PTPRN2: variants seen among roughly 807,000 people sequenced by gnomAD.
PTPRN2 encodes receptor-type tyrosine-protein phosphatase N2.
Under a neutral mutation model 118.8 loss-of-function variants are expected in PTPRN2, and 74 were observed. The ratio of observed to expected loss-of-function variants is 0.62; its 90% CI spans 0.52 to 0.76. The LOEUF (loss-of-function observed/expected upper bound fraction) is 0.76, where lower values mean the gene tolerates loss of function less well. Among genes scored for constraint, PTPRN2 ranks in the 30% least tolerant of loss-of-function variants. The probability of loss-of-function intolerance (pLI) is 0.00; values close to 1 mark genes in which losing one functional copy is unlikely to be tolerated. For missense variants in PTPRN2, 1,481 were observed against 1,394.4 expected, an observed-to-expected ratio of 1.06 and a Z score of -0.99; for synonymous variants, 641 against 608.0, an observed-to-expected ratio of 1.05 and a Z score of -0.80.
At chr7:158,147,188 C>T (rs35108610) in intron 6 of PTPRN2, among the ~76,000 whole-genome samples, 54 of 17,410 alleles carry the variant, frequency 3.1e-3, no homozygotes, top group Admixed American at 7.6e-3. Context: ...CTCAATGACA[C>T]CCCATCTCAC....
At chr7:157,601,793 A>AGGCTTGTGAATCAC (rs1432598950) in intron 16 of PTPRN2, among the ~76,000 whole-genome samples, 2 of 152,240 alleles carry the variant, frequency 1.3e-5, no homozygotes, top group African/African-American at 2.4e-5. Context: ...CTCGTCTTTT[A>AGGCTTGTGAATCAC]GGCTTGTGAA....
chr7:158,422,806 G>A (rs1306434923), intron 2 of PTPRN2, among the ~76,000 whole-genome samples: 1 of 152,232 alleles, frequency 6.6e-6, no homozygotes, highest in Non-Finnish European at 1.5e-5. Flanking sequence ...GGCTTCTGGG[G>A]CCACCATTCG....
At chr7:158,332,106 C>T (rs1352825482) in intron 2 of PTPRN2, among the ~76,000 whole-genome samples, 2 of 147,164 alleles carry the variant, frequency 1.4e-5, no homozygotes, top group Non-Finnish European at 3.0e-5. Context: ...GAGCTGAGGC[C>T]CACAGAGGTC....
chr7:157,873,687 G>T (rs370993914), intron 12 of PTPRN2, among the ~76,000 whole-genome samples: 4 of 150,876 alleles, frequency 2.7e-5, no homozygotes, highest in South Asian at 2.1e-4. Flanking sequence ...CTGTCTCGTC[G>T]TGGGGGCCGG....
intron 1 of PTPRN2, among the ~76,000 whole-genome samples, chr7:158,521,890 CA>C (rs1563388433): frequency 2.5e-5 from 2 of 81,168 alleles, no homozygotes; most frequent in Non-Finnish European, 2.5e-5. Context: ...GTGGACTGTC[CA>C]GGTACTGGCT....
intron 11 of PTPRN2, among the ~76,000 whole-genome samples, chr7:157,996,192 T>C (rs1470586549): frequency 3.9e-5 from 6 of 152,226 alleles, no homozygotes; most frequent in Admixed American, 3.9e-4. Context: ...GAAAGTCAAA[T>C]ACTGCACATT....
intron 2 of PTPRN2, among the ~76,000 whole-genome samples, chr7:158,373,126 T>C (rs912621563): frequency 3.9e-5 from 6 of 152,206 alleles, no homozygotes; most frequent in Non-Finnish European, 8.8e-5. Flanking sequence ...ACCCCCAAGA[T>C]GGCTTTGTCT....
At chr7:158,348,923 C>G (rs1312983366) in intron 2 of PTPRN2, among the ~76,000 whole-genome samples, 4 of 144,262 alleles carry the variant, frequency 2.8e-5, no homozygotes, top group Non-Finnish European at 1.5e-5. Flanking sequence ...GCCCACGTCA[C>G]TGCACCCCTG....
intron 11 of PTPRN2, among the ~76,000 whole-genome samples, chr7:157,915,868 G>C (rs1016143736): frequency 2.6e-5 from 4 of 151,978 alleles, no homozygotes; most frequent in Non-Finnish European, 5.9e-5. Flanking sequence ...TTGGAATGAG[G>C]GTGAGTCCCA....
chr7:158,339,519 A>C lies in PTPRN2; in HGVS notation c.164-22587T>G, dbSNP rs11773238. Among the ~76,000 whole-genome samples, 2 of 6,922 alleles carry C rather than the reference A, an allele frequency of 2.9e-4. 1 individual carries two copies. Among genetic ancestry groups the C allele is most frequent in the Non-Finnish European group, 6.6e-4 (2 of 3,048 alleles). The allele number at this position is 6,922 out of a possible 152,430, so 4.5% of individuals were successfully genotyped here. ...ACTCACACCCATACTCTCACCATAA[A>C]AGCTGATGCCTGCAGACGTCACTCA... On this transcript the variant is annotated intron_variant, in intron 2 of 22. Transcript: ENST00000389418.
At chr7:158,125,072 C>T (rs1270207414) in intron 9 of PTPRN2, among the ~76,000 whole-genome samples, 11 of 152,228 alleles carry the variant, frequency 7.2e-5, no homozygotes, top group South Asian at 2.1e-4. Context: ...TGGAGGGAGC[C>T]GGGTGGGGCA....
chr7:158,262,418 TCA>T (rs1343028410), intron 3 of PTPRN2, among the ~76,000 whole-genome samples: 57 of 116,648 alleles, frequency 4.9e-4, no homozygotes, highest in African/African-American at 1.8e-3. Flanking sequence ...ATACATACAT[TCA>T]CACACATACA....
chr7:157,856,459 G>A (rs551838134), intron 12 of PTPRN2, among the ~76,000 whole-genome samples: 9 of 152,274 alleles, frequency 5.9e-5, no homozygotes, highest in African/African-American at 1.2e-4. Flanking sequence ...GGGGCGTCCC[G>A]TTCCCACCAC....
chr7:157,827,683 C>T (rs543655283), intron 12 of PTPRN2, among the ~76,000 whole-genome samples: 2 of 152,220 alleles, frequency 1.3e-5, no homozygotes, highest in Non-Finnish European at 2.9e-5. Context: ...GTTCCTTGAG[C>T]GAGGACTGAG....
Position 158,202,561 on chromosome 7 carries a change from G to A in PTPRN2, c.380+2610C>T, listed in dbSNP as rs111758811. Among the ~76,000 whole-genome samples the A allele has an allele frequency of 1.4e-3, 213 of 152,292 alleles. 1 individual carries two copies. The highest frequency in any genetic ancestry group is 4.6e-3 in the African/African-American group (191 of 41,570). ...CCAAAGCCAGAGGCCCAGAGGACCCGATGGAGCTTACAGGCATGAAGCCCA... is the reference window on the plus strand; with the variant it reads ...CCAAAGCCAGAGGCCCAGAGGACCCAATGGAGCTTACAGGCATGAAGCCCA... On this transcript the variant is annotated intron_variant, in intron 4 of 22. Transcript: ENST00000389418.
At chr7:158,026,893 T>C (rs1225994960) in intron 11 of PTPRN2, among the ~76,000 whole-genome samples, 1 of 152,220 alleles carries the variant, frequency 6.6e-6, no homozygotes, top group African/African-American at 2.4e-5. Flanking sequence ...GCAGTGATGG[T>C]CCAGCAGCCA....
intron 11 of PTPRN2, among the ~76,000 whole-genome samples, chr7:157,979,798 T>C (rs1279458069): frequency 6.6e-6 from 1 of 152,210 alleles, no homozygotes; most frequent in Admixed American, 6.5e-5. Flanking sequence ...TAGAATACAG[T>C]GCGTGATGCA....
intron 1 of PTPRN2, among the ~76,000 whole-genome samples, chr7:158,579,672 C>T (rs1828524884): frequency 6.6e-6 from 1 of 152,242 alleles, no homozygotes; most frequent in African/African-American, 2.4e-5. Context: ...GAAACAGCCA[C>T]ATATTCCCTA....
intron 14 of PTPRN2, among the ~76,000 whole-genome samples, chr7:157,625,597 G>A (rs997298316): frequency 4.6e-5 from 7 of 152,090 alleles, no homozygotes; most frequent in South Asian, 2.1e-4. Flanking sequence ...GGAGGGGGGC[G>A]AGGGATAAAA....
Sources: gnomAD v4.1 joint callset for allele counts (sites outside exome capture counted in the v4.1 genomes callset) on GRCh38, gnomAD v4.1.1 for gene constraint, MANE v1.5 for transcripts, NCBI Gene and HGNC (gene_info 2026-07-23, HGNC 2026-07-21) for gene names.